Variants in STX8 observed in about 807,000 individuals in gnomAD.
STX8 encodes the protein syntaxin-8.
A neutral mutation model predicts 37.5 loss-of-function variants in STX8; 23 were observed. The observed-to-expected ratio is 0.61, with a 90% CI of 0.44 to 0.87. The LOEUF (loss-of-function observed/expected upper bound fraction) is 0.87, where lower values mean the gene tolerates loss of function less well. Ranked by LOEUF, STX8 falls within the 40% of genes least tolerant of loss-of-function variation. The pLI is 0.00. For missense variants in STX8, 313 were observed against 284.7 expected (o/e 1.10, Z -0.71); for synonymous variants, 115 against 99.1 (o/e 1.16, Z -0.95).
chr17:9,496,693 T>A (rs1904418508), intron 5 of STX8, among the ~76,000 whole-genome samples: 1 of 152,210 alleles, frequency 6.6e-6, no homozygotes, highest in East Asian at 1.9e-4. Context: ...GGGATTAGCC[T>A]GGATTATCCA....
Position 9,339,070 on chromosome 17 carries a change from C to CAAAAAA in STX8, c.643+39476_643+39481dup, listed in dbSNP as rs34987749. On this transcript the variant is annotated intron_variant, in intron 7 of 7. Transcript: ENST00000306357. Reference sequence around the variant, plus strand: ...TGGTTGACAAAGCGAGACTCCGTCTCAAAAAAAAAAAAAAAAAAAAATTCC... The same window carrying CAAAAAA: ...TGGTTGACAAAGCGAGACTCCGTCTCAAAAAAAAAAAAAAAAAAAAAAAAAAATTCC... Among the ~76,000 whole-genome samples, 120 of 70,008 alleles carry CAAAAAA rather than the reference C, an allele frequency of 1.7e-3. 1 individual carries two copies. Among genetic ancestry groups the CAAAAAA allele is most frequent in the African/African-American group, 7.2e-3 (111 of 15,500 alleles). 45.9% of individuals were successfully genotyped at this position (70,008 alleles called of 152,430 possible).
chr17:9,500,703 T>G (rs547361103), intron 5 of STX8, among the ~76,000 whole-genome samples: 1 of 152,140 alleles, frequency 6.6e-6, no homozygotes, highest in Non-Finnish European at 1.5e-5. Context: ...AAATGCTACT[T>G]AGAATAAAAG....
At chr17:9,410,792 T>G (rs1912952129) in intron 6 of STX8, among the ~76,000 whole-genome samples, 1 of 152,092 alleles carries the variant, frequency 6.6e-6, no homozygotes, top group Admixed American at 6.5e-5. Flanking sequence ...CTTCATTACA[T>G]TTTTTTCCTA....
At chr17:9,347,791 C>T (rs1348289945) in intron 7 of STX8, among the ~76,000 whole-genome samples, 1 of 152,226 alleles carries the variant, frequency 6.6e-6, no homozygotes, top group Non-Finnish European at 1.5e-5. Flanking sequence ...AGTCTCTCTC[C>T]ATTTCTCCCA....
At chr17:9,532,028 C>T (rs546981695) in intron 4 of STX8, among the ~76,000 whole-genome samples, 96 of 152,184 alleles carry the variant, frequency 6.3e-4, no homozygotes, top group Non-Finnish European at 1.1e-3. Context: ...GTTGCAATGA[C>T]CATTTGTTCA....
chr17:9,438,180 T>C (rs1904502069), intron 6 of STX8, among the ~76,000 whole-genome samples: 1 of 148,506 alleles, frequency 6.7e-6, no homozygotes, highest in Non-Finnish European at 1.5e-5. Context: ...GAGGCGGAGG[T>C]TGCAGTGAGC....
rs146275197 is a variant in STX8, at chr17:9,545,487, C to T, written c.213-205G>A. Among the ~76,000 whole-genome samples, 18 of 152,284 alleles carry T rather than the reference C, an allele frequency of 1.2e-4. 1 individual carries two copies. In the East Asian group the frequency reaches 3.5e-3, roughly 29 times the overall value. ...AGGTAAAGGACCTTGGCAGGACCAT[C>T]GCAGAGGCACTTATAAACACTGACG... On this transcript the variant is annotated intron_variant, in intron 3 of 7. Transcript: ENST00000306357.
chr17:9,279,101 T>C (rs901781964), intron 7 of STX8, among the ~76,000 whole-genome samples: 3 of 151,932 alleles, frequency 2.0e-5, no homozygotes, highest in Non-Finnish European at 4.4e-5. Flanking sequence ...TTCACTCTTG[T>C]TGCCCAGGCT....
chr17:9,546,590 G>GTTTTTTTTTTTT lies in STX8; in HGVS notation c.213-1309_213-1308insAAAAAAAAAAAA, dbSNP rs745424722. Among the ~76,000 whole-genome samples the GTTTTTTTTTTTT allele has an allele frequency of 1.0e-3, 65 of 62,230 alleles. 4 individuals are homozygous for GTTTTTTTTTTTT. The highest frequency in any genetic ancestry group is 2.3e-3 in the African/African-American group (39 of 17,102). 40.8% of individuals were successfully genotyped at this position (62,230 alleles called of 152,430 possible). On this transcript the variant is annotated intron_variant, in intron 3 of 7. Coordinates refer to ENST00000306357, the MANE Select transcript of STX8 (RefSeq NM_004853.3). ...CTTTCTTGATGCAAACTACAAAAGT[G>GTTTTTTTTTTTT]GTTTTTTTTTTTTTTTTTTTTTTTT...
At chr17:9,352,050 C>T (rs1009852565) in intron 7 of STX8, among the ~76,000 whole-genome samples, 1 of 151,176 alleles carries the variant, frequency 6.6e-6, no homozygotes, top group African/African-American at 2.4e-5. Flanking sequence ...ACTTGGGAGG[C>T]TGAGGCAGGA....
intron 6 of STX8, among the ~76,000 whole-genome samples, chr17:9,470,660 A>T (rs917047550): frequency 6.6e-6 from 1 of 152,226 alleles, no homozygotes; most frequent in Admixed American, 6.5e-5. Flanking sequence ...AAGTAACATG[A>T]TAAATAAGTC....
chr17:9,508,519 G>C lies in STX8; in HGVS notation c.324-3357C>G, dbSNP rs556940654. ...ATTTTTGTATTTTTTGGTAGAGATG[G>C]GGTTTCACCATGTTAGCCAGGTTGG... On this transcript the variant is annotated intron_variant, in intron 4 of 7. Transcript: ENST00000306357. 3.9e-5 allele frequency among the ~76,000 whole-genome samples: 6 copies of C among 152,196 alleles called. No individual in the cohort carries two copies. The South Asian group carries it at 8.3e-4, about 21-fold the overall frequency.
At position 9,422,424 on chromosome 17, in the gene STX8, T is replaced by C. The variant is rs144997964; in HGVS notation, c.542-43771A>G. On this transcript the variant is annotated intron_variant, in intron 6 of 7. Coordinates refer to ENST00000306357, the MANE Select transcript of STX8 (RefSeq NM_004853.3). The stretch of plus-strand genomic sequence containing the variant: ...GCCTGGCCAAGGCCGTCTCAGGTAG[T>C]TCTTTACAGCATGTGAGAACGGACT... 3.8e-3 allele frequency among the ~76,000 whole-genome samples: 574 copies of C among 152,290 alleles called. 3 individuals carry two copies. Among genetic ancestry groups the C allele is most frequent in the Non-Finnish European group, 3.6e-3 (248 of 68,026 alleles).
intron 7 of STX8, among the ~76,000 whole-genome samples, chr17:9,268,538 A>G (rs1442423560): frequency 6.6e-6 from 1 of 152,204 alleles, no homozygotes; most frequent in African/African-American, 2.4e-5. Context: ...CCCCCGATTC[A>G]GTACTATCCC....
intron 1 of STX8, among the ~76,000 whole-genome samples, chr17:9,572,463 G>A (rs952515139): frequency 6.6e-6 from 1 of 152,188 alleles, no homozygotes; most frequent in African/African-American, 2.4e-5. Context: ...AGGCTGAAGT[G>A]CAGTGGCGCA....
intron 7 of STX8, among the ~76,000 whole-genome samples, chr17:9,282,096 A>T (rs2142153199): frequency 6.6e-6 from 1 of 152,192 alleles, no homozygotes; most frequent in Middle Eastern, 3.4e-3. Flanking sequence ...ATGTTTTTGT[A>T]CATTTGATAA....
At chr17:9,559,482 CAT>C (rs1907118135) in intron 2 of STX8, among the ~76,000 whole-genome samples, 1 of 151,222 alleles carries the variant, frequency 6.6e-6, no homozygotes, top group African/African-American at 2.4e-5. Flanking sequence ...ACAGAATAAA[CAT>C]ATGATTAGTA....
chr17:9,302,724 GAA>G (rs1908830132), intron 7 of STX8, among the ~76,000 whole-genome samples: 1 of 152,052 alleles, frequency 6.6e-6, no homozygotes, highest in Non-Finnish European at 1.5e-5. Context: ...AAGACAGAGA[GAA>G]AGTGGGCTGA....
At chr17:9,307,561 TCTC>T (rs1442431510) in intron 7 of STX8, among the ~76,000 whole-genome samples, 1 of 152,186 alleles carries the variant, frequency 6.6e-6, no homozygotes, top group Non-Finnish European at 1.5e-5. Flanking sequence ...TCTGCTGTGA[TCTC>T]CTACTGAGTT....
Sources: allele counts gnomAD v4.1 joint callset (sites outside exome capture counted in the v4.1 genomes callset), GRCh38; gene constraint gnomAD v4.1.1; transcripts MANE v1.5; gene names NCBI Gene and HGNC (gene_info 2026-07-23, HGNC 2026-07-21).